The following CATSPERT variants were observed in gnomAD, a reference collection of about 807,000 sequenced individuals.
The protein encoded by CATSPERT is catsper channel auxiliary subunit tau, also known as cation channel sperm-associated targeting subunit tau.
At chr2:201,562,483 G>T in the CATSPERT span, among the ~76,000 whole-genome samples, 1 of 151,626 alleles carries the variant, frequency 6.6e-6, no homozygotes, top group Non-Finnish European at 1.5e-5. Flanking sequence ...CACCACGCCC[G>T]GCCCCTTCTC....
At chr2:201,536,129 T>C in the CATSPERT span, 3 of 1,613,566 alleles carry the variant, frequency 1.9e-6, no homozygotes, top group South Asian at 1.1e-5. Context: ...TGCTTTCTGA[T>C]TGACGTTCAC....
chr2:201,597,115 C>A, the CATSPERT span, among the ~76,000 whole-genome samples: 1 of 152,232 alleles, frequency 6.6e-6, no homozygotes, highest in Admixed American at 6.5e-5. Context: ...TTATGTTCGT[C>A]CTATAGAGGC....
the CATSPERT span, among the ~76,000 whole-genome samples, chr2:201,597,448 A>C: frequency 1.3e-5 from 2 of 152,052 alleles, no homozygotes. Context: ...CCTGCTCAAC[A>C]AATTCCAGCC....
At chr2:201,604,171 AAG>A in the CATSPERT span, among the ~76,000 whole-genome samples, 9 of 136,604 alleles carry the variant, frequency 6.6e-5, no homozygotes, top group South Asian at 2.1e-3. Context: ...GTGTGTGTGA[AAG>A]AGAGAGGGGG....
the CATSPERT span, among the ~76,000 whole-genome samples, chr2:201,604,319 C>T: frequency 6.6e-6 from 1 of 152,052 alleles, no homozygotes. Flanking sequence ...AGGCTCCTCT[C>T]CTAGAGATTC....
At chr2:201,542,705 A>AT in the CATSPERT span, among the ~76,000 whole-genome samples, 5 of 151,934 alleles carry the variant, frequency 3.3e-5, no homozygotes, top group Non-Finnish European at 5.9e-5. Flanking sequence ...TTATTTATTT[A>AT]TTTTTTTGCT....
At chr2:201,506,268 AAAAC>A in the CATSPERT span, among the ~76,000 whole-genome samples, 2,797 of 151,172 alleles carry the variant, frequency 0.019, 77 homozygotes, top group African/African-American at 0.064. Context: ...CTCCGTCTCA[AAAAC>A]AAACAAACAA....
the CATSPERT span, among the ~76,000 whole-genome samples, chr2:201,577,157 T>A: frequency 3.3e-5 from 5 of 152,186 alleles, no homozygotes; most frequent in Non-Finnish European, 5.9e-5. Flanking sequence ...CCTATGTATA[T>A]AAGATGTATA....
the CATSPERT span, among the ~76,000 whole-genome samples, chr2:201,574,781 G>T: frequency 1.3e-5 from 2 of 151,986 alleles, no homozygotes; most frequent in African/African-American, 2.4e-5. Context: ...TATGTTCCTA[G>T]CCCCTGTTTT....
chr2:201,534,929 T>A, the CATSPERT span: 1 of 431,994 alleles, frequency 2.3e-6, no homozygotes, highest in Non-Finnish European at 3.1e-6. Context: ...ATTATATGTC[T>A]ATTTTGATTC....
the CATSPERT span, among the ~76,000 whole-genome samples, chr2:201,495,686 T>TG: frequency 2.7e-5 from 1 of 37,634 alleles, no homozygotes; most frequent in Non-Finnish European, 4.7e-5. Flanking sequence ...ATCCCCTTGG[T>TG]TTTTTTTTTT....
the CATSPERT span, among the ~76,000 whole-genome samples, chr2:201,544,721 A>G: frequency 6.6e-6 from 1 of 151,048 alleles, no homozygotes; most frequent in South Asian, 2.1e-4. Context: ...GTGGTGGCTT[A>G]TGCCTATAAT....
the CATSPERT span, among the ~76,000 whole-genome samples, chr2:201,500,645 T>C: frequency 6.6e-6 from 1 of 152,200 alleles, no homozygotes; most frequent in African/African-American, 2.4e-5. Context: ...ATAAAGTCCA[T>C]CTGGTGTTAC....
the CATSPERT span, among the ~76,000 whole-genome samples, chr2:201,617,390 C>G: frequency 6.6e-6 from 1 of 152,036 alleles, no homozygotes; most frequent in Non-Finnish European, 1.5e-5. Flanking sequence ...ATAGAGCCCC[C>G]GGAAATAATA....
At chr2:201,609,021 A>T in the CATSPERT span, among the ~76,000 whole-genome samples, 3 of 152,192 alleles carry the variant, frequency 2.0e-5, no homozygotes, top group Admixed American at 1.3e-4. Flanking sequence ...TGCCAGGAGC[A>T]GAAGTAGCTA....
the CATSPERT span, among the ~76,000 whole-genome samples, chr2:201,599,595 T>C: frequency 6.6e-6 from 1 of 152,196 alleles, no homozygotes; most frequent in Non-Finnish European, 1.5e-5. Flanking sequence ...AATTTCCCTG[T>C]AGTTAACATG....
chr2:201,513,463 G>C, the CATSPERT span, among the ~76,000 whole-genome samples: 2 of 152,286 alleles, frequency 1.3e-5, no homozygotes, highest in South Asian at 4.1e-4. Context: ...AAAAGAGAAT[G>C]CTTACACACT....
the CATSPERT span, chr2:201,554,219 TC>T: frequency 1.3e-5 from 2 of 152,184 alleles, no homozygotes; most frequent in Non-Finnish European, 2.9e-5. Context: ...CTATCACTAT[TC>T]TAGGAAGCCC....
the CATSPERT span, among the ~76,000 whole-genome samples, chr2:201,523,143 C>T: frequency 1.3e-5 from 2 of 152,210 alleles, no homozygotes; most frequent in South Asian, 2.1e-4. Flanking sequence ...AGTGCATGCA[C>T]GTGGACCTTG....
Sources: allele counts gnomAD v4.1 joint callset (sites outside exome capture counted in the v4.1 genomes callset), GRCh38; gene constraint gnomAD v4.1.1; transcripts MANE v1.5; gene names NCBI Gene and HGNC (gene_info 2026-07-23, HGNC 2026-07-21).